The following TMEM117 variants were observed in gnomAD, a reference collection of about 807,000 sequenced individuals.
The protein encoded by TMEM117 is transmembrane protein 117.
In TMEM117, 27 loss-of-function variants were observed where a neutral mutation model predicts 52.4. That is an observed-to-expected ratio of 0.51 (90% CI 0.38 to 0.71). The LOEUF is 0.71. Among genes scored for constraint, TMEM117 ranks in the 30% least tolerant of loss-of-function variants. The pLI is 0.00. For missense variants in TMEM117, 556 were observed against 630.5 expected (o/e 0.88, Z 1.26); for synonymous variants, 215 against 206.3 (o/e 1.04, Z -0.36).
At chr12:44,072,386 T>A (rs1264409154) in intron 3 of TMEM117, among the ~76,000 whole-genome samples, 11 of 152,158 alleles carry the variant, frequency 7.2e-5, no homozygotes, top group Non-Finnish European at 8.8e-5. Flanking sequence ...CCCGTTCCTC[T>A]CTCTCTGCCT....
At chr12:44,047,988 TG>T (rs1435840905) in intron 3 of TMEM117, among the ~76,000 whole-genome samples, 3 of 152,198 alleles carry the variant, frequency 2.0e-5, no homozygotes, top group Admixed American at 6.5e-5. Flanking sequence ...TATTTTCCAG[TG>T]AAGCTACCTG....
At chr12:43,921,056 C>A (rs1944685405) in intron 2 of TMEM117, among the ~76,000 whole-genome samples, 1 of 152,050 alleles carries the variant, frequency 6.6e-6, no homozygotes, top group African/African-American at 2.4e-5. Flanking sequence ...TCTGTGTTTC[C>A]TAATGTGGCC....
intron 2 of TMEM117, among the ~76,000 whole-genome samples, chr12:43,861,286 T>C (rs1943484708): frequency 6.6e-6 from 1 of 152,130 alleles, no homozygotes. Flanking sequence ...TAGGGATGAA[T>C]AGATTTTCTG....
the TMEM117 span, among the ~76,000 whole-genome samples, chr12:43,825,050 C>T: frequency 0.014 from 2,065 of 152,294 alleles, 30 homozygotes; most frequent in South Asian, 0.026. Flanking sequence ...AGACCTTGTT[C>T]GGCAACTGTA....
At chr12:43,977,573 T>C (rs926981584) in intron 3 of TMEM117, among the ~76,000 whole-genome samples, 1 of 152,202 alleles carries the variant, frequency 6.6e-6, no homozygotes, top group Non-Finnish European at 1.5e-5. Context: ...GAATTTATTA[T>C]TTAAATTTAA....
At chr12:43,840,956 GT>G (rs1032478710) in intron 1 of TMEM117, among the ~76,000 whole-genome samples, 1 of 152,054 alleles carries the variant, frequency 6.6e-6, no homozygotes, top group Non-Finnish European at 1.5e-5. Flanking sequence ...AACAGTTTTG[GT>G]TCTCTGGATA....
chr12:43,982,096 G>A (rs981308288), intron 3 of TMEM117, among the ~76,000 whole-genome samples: 1 of 152,086 alleles, frequency 6.6e-6, no homozygotes, highest in East Asian at 1.9e-4. Context: ...ATATATATAT[G>A]TATCAAAACA....
chr12:43,831,281 A>G (rs1942979707), upstream of TMEM117, among the ~76,000 whole-genome samples: 1 of 152,170 alleles, frequency 6.6e-6, no homozygotes, highest in African/African-American at 2.4e-5. Flanking sequence ...CTCAGAGTCC[A>G]TCTAATCACT....
At chr12:43,806,194 C>T in the TMEM117 span, 36 of 1,527,076 alleles carry the variant, frequency 2.4e-5, no homozygotes, top group African/African-American at 3.1e-4. Flanking sequence ...AAGCCCCTTC[C>T]CTGCGAGTCG....
intron 4 of TMEM117, among the ~76,000 whole-genome samples, chr12:44,201,097 G>A (rs1433480301): frequency 1.3e-5 from 2 of 152,158 alleles, no homozygotes; most frequent in Admixed American, 1.3e-4. Flanking sequence ...TAAAATTAGG[G>A]AAGTAATTGC....
intron 3 of TMEM117, among the ~76,000 whole-genome samples, chr12:44,047,074 G>A (rs1295407702): frequency 6.6e-6 from 1 of 152,100 alleles, no homozygotes; most frequent in Non-Finnish European, 1.5e-5. Context: ...AATCCTGGAT[G>A]TGTCTGTATG....
At chr12:43,916,294 C>T (rs1944601771) in intron 2 of TMEM117, among the ~76,000 whole-genome samples, 1 of 152,056 alleles carries the variant, frequency 6.6e-6, no homozygotes, top group South Asian at 2.1e-4. Context: ...TAAACTAAAA[C>T]AAGAACGTTG....
chr12:44,187,368 G>A (rs930693526), intron 4 of TMEM117, among the ~76,000 whole-genome samples: 2 of 151,944 alleles, frequency 1.3e-5, no homozygotes, highest in Admixed American at 6.6e-5. Context: ...TTCCCTGTAA[G>A]CATAGCTCTG....
chr12:44,216,005 CT>C lies in TMEM117; in HGVS notation c.608+4638del, dbSNP rs778425747. 8.7e-3 allele frequency among the ~76,000 whole-genome samples: 969 copies of C among 110,794 alleles called. 5 individuals are homozygous for C. The highest frequency in any genetic ancestry group is 0.032 in the Middle Eastern group (6 of 188). The allele number at this position is 110,794 out of a possible 152,430, so 72.7% of individuals were successfully genotyped here. Reference sequence around the variant, plus strand: ...AGCTCCTTTCTTTCTTTCTTTCTTTCTTTTTTTTTTTTTTTTTTTTGAGACG... The same window carrying C: ...AGCTCCTTTCTTTCTTTCTTTCTTTCTTTTTTTTTTTTTTTTTTTGAGACG... On this transcript the variant is annotated intron_variant, in intron 5 of 7. Coordinates refer to ENST00000266534, the MANE Select transcript of TMEM117 (RefSeq NM_032256.3).
chr12:44,223,993 G>A (rs1949825677), intron 5 of TMEM117, among the ~76,000 whole-genome samples: 1 of 152,206 alleles, frequency 6.6e-6, no homozygotes, highest in East Asian at 1.9e-4. Context: ...TATTAACTCT[G>A]TGTGGGCTTT....
chr12:43,976,285 A>G (rs961206753), intron 3 of TMEM117, among the ~76,000 whole-genome samples: 3 of 152,164 alleles, frequency 2.0e-5, no homozygotes, highest in Non-Finnish European at 2.9e-5. Flanking sequence ...CATGTTGCCC[A>G]GTCTGTCCTG....
chr12:44,268,063 A>G (rs1007794319), intron 5 of TMEM117, among the ~76,000 whole-genome samples: 2 of 151,960 alleles, frequency 1.3e-5, no homozygotes, highest in African/African-American at 4.8e-5. Flanking sequence ...TTAATTTTTA[A>G]TGATTTTTAT....
At chr12:44,020,938 C>T (rs1946446215) in intron 3 of TMEM117, among the ~76,000 whole-genome samples, 1 of 152,090 alleles carries the variant, frequency 6.6e-6, no homozygotes, top group African/African-American at 2.4e-5. Context: ...ATAGGGCTTG[C>T]AAAACCCAGG....
At chr12:43,876,942 A>G (rs1422167071) in intron 2 of TMEM117, among the ~76,000 whole-genome samples, 2 of 152,176 alleles carry the variant, frequency 1.3e-5, no homozygotes, top group Non-Finnish European at 2.9e-5. Flanking sequence ...ATTTTTAAAC[A>G]TCTTACTGTG....
Sources: gnomAD v4.1 joint callset for allele counts (sites outside exome capture counted in the v4.1 genomes callset) on GRCh38, gnomAD v4.1.1 for gene constraint, MANE v1.5 for transcripts, NCBI Gene and HGNC (gene_info 2026-07-23, HGNC 2026-07-21) for gene names.